The following IL1RAP variants were observed in gnomAD, a reference collection of about 807,000 sequenced individuals.
IL1RAP encodes interleukin 1 receptor accessory protein.
IL1RAP carries 35 observed loss-of-function variants against 60.7 expected under a neutral mutation model. The ratio of observed to expected loss-of-function variants is 0.58; its 90% CI spans 0.44 to 0.76. The LOEUF is 0.76. Among genes scored for constraint, IL1RAP ranks in the 30% least tolerant of loss-of-function variants. IL1RAP has a pLI of 0.00. For missense variants in IL1RAP, 572 were observed against 693.9 expected (o/e 0.82, Z 1.97); for synonymous variants, 268 against 250.9 (o/e 1.07, Z -0.64).
intron 3 of IL1RAP, among the ~76,000 whole-genome samples, chr3:190,603,456 A>C (rs2108750444): frequency 6.6e-6 from 1 of 152,290 alleles, no homozygotes; most frequent in Non-Finnish European, 1.5e-5. Flanking sequence ...GCTGTCCAAT[A>C]AAGTAGACAG....
chr3:190,654,271 C>T (rs1206383741), downstream of IL1RAP, among the ~76,000 whole-genome samples: 1 of 150,200 alleles, frequency 6.7e-6, no homozygotes, highest in African/African-American at 2.5e-5. Context: ...AGCCATGTTG[C>T]CTTAAGGTTA....
At chr3:190,596,954 C>T (rs1016871093) in intron 3 of IL1RAP, among the ~76,000 whole-genome samples, 1 of 152,118 alleles carries the variant, frequency 6.6e-6, no homozygotes, top group Non-Finnish European at 1.5e-5. Context: ...GTCTAGAGAA[C>T]TTAAAAACTC....
chr3:190,627,235 G>A, intron 7 of IL1RAP, 88 bp from the exon 8 acceptor site: 1 of 1,145,822 alleles, frequency 8.7e-7, no homozygotes, highest in Non-Finnish European at 1.2e-6. Context: ...AAACACTAAT[G>A]GGCTAACTTT....
chr3:190,614,393 T>G (rs1731081927), intron 5 of IL1RAP, among the ~76,000 whole-genome samples: 1 of 152,044 alleles, frequency 6.6e-6, no homozygotes, highest in African/African-American at 2.4e-5. Flanking sequence ...CAGCGTGCTG[T>G]GTGCTTTATG....
chr3:190,611,378 G>T (rs926463813), intron 5 of IL1RAP, among the ~76,000 whole-genome samples: 3 of 152,276 alleles, frequency 2.0e-5, no homozygotes, highest in African/African-American at 2.4e-5. Flanking sequence ...ACTGCAGCAT[G>T]AATATGTCAT....
intron 9 of IL1RAP, among the ~76,000 whole-genome samples, chr3:190,637,834 T>A (rs890732096): frequency 7.8e-6 from 1 of 127,658 alleles, no homozygotes; most frequent in Admixed American, 7.2e-5. Flanking sequence ...TTTAGAATAG[T>A]TTTTTTTTTA....
Position 190,648,998 on chromosome 3 carries a change from T to C in IL1RAP, c.*293T>C. 1 of 1,082,792 alleles carries C rather than the reference T, an allele frequency of 9.2e-7. No homozygotes were observed. Among genetic ancestry groups the C allele is most frequent in the Non-Finnish European group, 1.1e-6 (1 of 892,918 alleles). The allele number at this position is 1,082,792 out of a possible 1,614,324, so 67.1% of individuals were successfully genotyped here. ...TCTACATTGTCTATCCCTGTTTTTA[T>C]ATGTCTCCATTCTTTTTAAAATCTT... is the stretch of plus-strand genomic sequence containing the variant. On this transcript the variant is annotated 3_prime_UTR_variant, in exon 12 of 12. Coordinates refer to ENST00000447382, the MANE Select transcript of IL1RAP (RefSeq NM_002182.4).
At chr3:190,551,594 C>A (rs1045948916) in intron 1 of IL1RAP, among the ~76,000 whole-genome samples, 1 of 152,172 alleles carries the variant, frequency 6.6e-6, no homozygotes, top group Non-Finnish European at 1.5e-5. Flanking sequence ...TCAGTTCAGT[C>A]TGTTTAGTTC....
intron 5 of IL1RAP, among the ~76,000 whole-genome samples, chr3:190,611,849 G>C (rs1181518723): frequency 1.3e-5 from 2 of 152,024 alleles, no homozygotes; most frequent in Non-Finnish European, 2.9e-5. Flanking sequence ...AAGGAGTGAG[G>C]AAGAGAAAGA....
At chr3:190,552,972 G>T (rs1311136239) in intron 1 of IL1RAP, among the ~76,000 whole-genome samples, 2 of 152,094 alleles carry the variant, frequency 1.3e-5, no homozygotes, top group African/African-American at 4.8e-5. Context: ...AATATTTCTG[G>T]CTTTCAGATT....
Position 190,634,707 on chromosome 3 carries a change from G to GTTTTTTTTTTTTTTTTTTTTTT in IL1RAP, c.1051+5220_1051+5221insTTTTTTTTTTTTTTTTTTTTTT, listed in dbSNP as rs1167445179. Among the ~76,000 whole-genome samples, 18 of 134,688 alleles carry GTTTTTTTTTTTTTTTTTTTTTT rather than the reference G, an allele frequency of 1.3e-4. 1 individual carries two copies. Among genetic ancestry groups the GTTTTTTTTTTTTTTTTTTTTTT allele is most frequent in the African/African-American group, 5.3e-4 (18 of 33,676 alleles). The allele number at this position is 134,688 out of a possible 152,430, so 88.4% of individuals were successfully genotyped here. ...TCATATAACTATCTGGGCCTGTTGTGTTTTTTTTTTTGTTGTTGTTTTTTT... is the reference window on the plus strand; with the variant it reads ...TCATATAACTATCTGGGCCTGTTGTGTTTTTTTTTTTTTTTTTTTTTTTTTTTTTTTTTGTTGTTGTTTTTTT... On this transcript the variant is annotated intron_variant, in intron 9 of 11. Transcript: ENST00000447382.
At chr3:190,658,722 A>G (rs979058699) in exon 12 of IL1RAP, 2 of 152,220 alleles carry the variant, frequency 1.3e-5, no homozygotes, top group Admixed American at 6.5e-5. Flanking sequence ...GAAAGAAAGC[A>G]GTTTCATCTC....
At chr3:190,629,268 T>C in intron 8 of IL1RAP, 82 bp from the exon 9 acceptor site, 1 of 989,790 alleles carries the variant, frequency 1.0e-6, no homozygotes, top group East Asian at 2.5e-5. Context: ...GGGTCTGTGG[T>C]TGCTTACTTG....
rs747566099 is a variant in IL1RAP at position 190,644,223 on chromosome 3, T to C, written c.1052-25T>C. On this transcript the variant is annotated intron_variant, in intron 9 of 11. Transcript: ENST00000447382. ...CTGTGGTCACCACACAGAAATCAAT[T>C]CTGTTTCTTTGTTGTTCATTCCAGT... 1.5e-5 allele frequency: 24 copies of C among 1,604,018 alleles called. No individual in the cohort carries two copies. In the South Asian group the frequency reaches 2.3e-4, roughly 16 times the overall value.
chr3:190,609,040 T>G lies in IL1RAP; in HGVS notation c.396T>G (p.Val132=), dbSNP rs1730600116. ...AAGTTGCATTTCCCTTGGAAGTTGT[T>G]CAAAAAGACAGCTGTTTCAATTCCC... is the stretch of plus-strand genomic sequence containing the variant. ...CSKVAFPLEV[V]QKDSCFNSPM... Residue 132 remains valine, a synonymous_variant, in exon 5 of 12, where the codon GTT becomes GTG. Coordinates refer to ENST00000447382, the MANE Select transcript of IL1RAP (RefSeq NM_002182.4). 2 of 1,613,370 alleles carry G rather than the reference T, an allele frequency of 1.2e-6. No homozygotes were observed. The highest frequency in any genetic ancestry group is 1.7e-6 in the Non-Finnish European group (2 of 1,179,654).
intron 3 of IL1RAP, among the ~76,000 whole-genome samples, chr3:190,576,581 C>T (rs1727471434): frequency 6.6e-6 from 1 of 152,074 alleles, no homozygotes; most frequent in African/African-American, 2.4e-5. Flanking sequence ...GATTAAAGAA[C>T]AATCCAGCCT....
rs754460979 is a variant in IL1RAP at position 190,627,303 on chromosome 3, T to G, written c.776-20T>G. 32 of 1,451,764 alleles carry G rather than the reference T, an allele frequency of 2.2e-5. No homozygotes were observed. The highest frequency in any genetic ancestry group is 2.9e-5 in the Non-Finnish European group (32 of 1,115,970). 89.9% of individuals were successfully genotyped at this position (1,451,764 alleles called of 1,614,324 possible). On this transcript the variant is annotated intron_variant, in intron 7 of 11. Coordinates refer to ENST00000447382, the MANE Select transcript of IL1RAP (RefSeq NM_002182.4). ...TGTTTTGTTTTTTGTTTTTTTTGTT[T>G]TTTTGGTTTTTTTTTTCAGGAGAGG...
chr3:190,586,414 A>C (rs953177288), intron 3 of IL1RAP, among the ~76,000 whole-genome samples: 1 of 152,192 alleles, frequency 6.6e-6, no homozygotes. Context: ...TGACCCAGAC[A>C]GAAGAGGTGT....
chr3:190,565,166 GAAA>G (rs1204423353), intron 3 of IL1RAP, among the ~76,000 whole-genome samples: 1 of 137,926 alleles, frequency 7.3e-6, no homozygotes. Context: ...CTGTAGGACT[GAAA>G]AAAAAAAAAG....
Sources: allele counts gnomAD v4.1 joint callset (sites outside exome capture counted in the v4.1 genomes callset), GRCh38; gene constraint gnomAD v4.1.1; transcripts MANE v1.5; gene names NCBI Gene and HGNC (gene_info 2026-07-23, HGNC 2026-07-21).